Variants in PAMR1 observed in about 807,000 individuals in gnomAD.
PAMR1 encodes inactive serine protease PAMR1.
A neutral mutation model predicts 81.8 loss-of-function variants in PAMR1; 88 were observed. The observed-to-expected ratio is 1.08, with a 90% CI of 0.91 to 1.28. The LOEUF is 1.28. Among genes scored for constraint, PAMR1 ranks in the 50% most tolerant of loss-of-function variants. The pLI, the probability that PAMR1 is intolerant of heterozygous loss-of-function variation, is 0.00. For missense variants in PAMR1, 935 were observed against 919.7 expected (o/e 1.02, Z -0.21); for synonymous variants, 336 against 345.3 (o/e 0.97, Z 0.30).
chr11:35,473,711 T>C (rs1173524586), intron 4 of PAMR1, among the ~76,000 whole-genome samples: 1 of 152,130 alleles, frequency 6.6e-6, no homozygotes, highest in East Asian at 1.9e-4. Flanking sequence ...CAGAGAGACA[T>C]TCAAGGAGCC....
chr11:35,478,931 G>A (rs925060068), intron 3 of PAMR1, among the ~76,000 whole-genome samples: 3 of 152,086 alleles, frequency 2.0e-5, no homozygotes, highest in South Asian at 2.1e-4. Context: ...CCTCATTGCC[G>A]ATCTTTCCCC....
intron 4 of PAMR1, among the ~76,000 whole-genome samples, chr11:35,472,786 G>T (rs1274099643): frequency 1.3e-5 from 2 of 152,208 alleles, no homozygotes; most frequent in African/African-American, 4.8e-5. Flanking sequence ...CAGGGATGCT[G>T]CAAGGTGGTG....
intron 1 of PAMR1, among the ~76,000 whole-genome samples, chr11:35,522,426 C>T (rs1851302897): frequency 1.3e-5 from 2 of 152,166 alleles, no homozygotes; most frequent in South Asian, 4.1e-4. Context: ...ATTCTAAGTA[C>T]CTCATATAAG....
chr11:35,469,564 G>T (rs1282931745), intron 5 of PAMR1, among the ~76,000 whole-genome samples: 2 of 152,198 alleles, frequency 1.3e-5, no homozygotes, highest in Non-Finnish European at 2.9e-5. Context: ...GCCCTGCACA[G>T]CTCCACAGGG....
At chr11:35,511,275 C>G (rs1851068083) in intron 1 of PAMR1, among the ~76,000 whole-genome samples, 3 of 152,210 alleles carry the variant, frequency 2.0e-5, no homozygotes. Context: ...AGGGGCTTAG[C>G]TATGCAGAAG....
chr11:35,433,726 AGATGGATG>A (rs71044517), intron 10 of PAMR1, among the ~76,000 whole-genome samples: 36,776 of 148,618 alleles, frequency 0.25, 4,603 homozygotes, highest in Admixed American at 0.28. Context: ...ATAGATGGAG[AGATGGATG>A]GATGGATGGA....
intron 3 of PAMR1, among the ~76,000 whole-genome samples, chr11:35,485,181 C>G (rs1451972531): frequency 6.6e-6 from 1 of 152,030 alleles, no homozygotes; most frequent in Admixed American, 6.6e-5. Context: ...TGAGGTGCAG[C>G]CTGCTTAACG....
Position 35,441,513 on chromosome 11 carries a change from T to C in PAMR1, c.1001A>G (p.Glu334Gly). 6.2e-7 allele frequency: 1 copy of C among 1,613,262 alleles called. No individual in the cohort carries two copies. Among genetic ancestry groups the C allele is most frequent in the Non-Finnish European group, 8.5e-7 (1 of 1,179,822 alleles). ...GCAGATGGGCTGTTTCCCTGACCACTCTCCATTCTGCTGGCAAGTTCTTTT... is the reference window on the plus strand; with the variant it reads ...GCAGATGGGCTGTTTCCCTGACCACCCTCCATTCTGCTGGCAAGTTCTTTT... Reference protein sequence around the residue: ...NEKRTCQQNGEWSGKQPICIK... With the variant: ...NEKRTCQQNGGWSGKQPICIK... The change falls in exon 7 of 11, where the codon GAG (glutamate) becomes GGG (glycine). Residue 334 changes from glutamate (E) to glycine (G), a missense_variant. Glu to Gly is a moderately conservative substitution (Grantham distance 98). Transcript: ENST00000619888.
At chr11:35,521,833 T>G (rs1158019126) in intron 1 of PAMR1, among the ~76,000 whole-genome samples, 1 of 152,168 alleles carries the variant, frequency 6.6e-6, no homozygotes, top group African/African-American at 2.4e-5. Flanking sequence ...GCTCCACTAC[T>G]CTGCCAGTGT....
At chr11:35,515,208 C>T (rs563685841) in intron 1 of PAMR1, among the ~76,000 whole-genome samples, 1 of 152,182 alleles carries the variant, frequency 6.6e-6, no homozygotes, top group Non-Finnish European at 1.5e-5. Flanking sequence ...AGTCAGAGTG[C>T]ATTAGGACTA....
At chr11:35,515,394 G>A (rs1356336659) in intron 1 of PAMR1, among the ~76,000 whole-genome samples, 5 of 152,254 alleles carry the variant, frequency 3.3e-5, no homozygotes, top group Admixed American at 3.3e-4. Context: ...CCAGGGTGAT[G>A]CATTTGTAAT....
At chr11:35,486,725 T>A (rs1256369062) in intron 3 of PAMR1, among the ~76,000 whole-genome samples, 1 of 152,224 alleles carries the variant, frequency 6.6e-6, no homozygotes, top group Non-Finnish European at 1.5e-5. Flanking sequence ...AATATTAATA[T>A]TTTCTGTTTC....
intron 6 of PAMR1, among the ~76,000 whole-genome samples, chr11:35,451,346 C>G (rs1449906871): frequency 6.6e-6 from 1 of 152,192 alleles, no homozygotes; most frequent in Admixed American, 6.5e-5. Flanking sequence ...AAGAAGACTT[C>G]AAGAGAAACT....
intron 10 of PAMR1, among the ~76,000 whole-genome samples, chr11:35,433,817 T>C (rs1050568975): frequency 3.4e-5 from 5 of 148,716 alleles, no homozygotes; most frequent in Admixed American, 3.3e-4. Context: ...GATGGAGGGA[T>C]GGAGGGATGG....
In PAMR1 at chr11:35,507,812, C is replaced by G. The variant is rs202235865; in HGVS notation, c.74-13540G>C. Among the ~76,000 whole-genome samples the G allele has an allele frequency of 2.0e-4, 10 of 49,166 alleles. No individual in the cohort carries two copies. In the East Asian group the frequency reaches 3.0e-3, roughly 15 times the overall value. 32.3% of individuals were successfully genotyped at this position (49,166 alleles called of 152,430 possible). A position where few individuals can be genotyped will look rare whatever the true frequency, so the allele number is the denominator to read the frequency against. On this transcript the variant is annotated intron_variant, in intron 1 of 10. Coordinates refer to ENST00000619888, the MANE Select transcript of PAMR1 (RefSeq NM_001001991.3). ...CTATTGAAATCTTTTTTTTTTTTTT[C>G]CTGCTGAGTTGCTACTTCTTTTTGG... is the stretch of plus-strand genomic sequence containing the variant.
intron 5 of PAMR1, among the ~76,000 whole-genome samples, chr11:35,469,795 T>A (rs530030667): frequency 6.9e-6 from 1 of 144,894 alleles, no homozygotes; most frequent in Non-Finnish European, 1.6e-5. Context: ...AGTTCTTTTT[T>A]AATTCAGTTT....
chr11:35,475,017 A>G (rs557793926), intron 3 of PAMR1, among the ~76,000 whole-genome samples: 1 of 152,334 alleles, frequency 6.6e-6, no homozygotes, highest in African/African-American at 2.4e-5. Flanking sequence ...CAGAGAGTTA[A>G]ATAAATAACT....
chr11:35,505,081 AAATTTCTTTCTT>A (rs1389172531), intron 1 of PAMR1, among the ~76,000 whole-genome samples: 1 of 152,016 alleles, frequency 6.6e-6, no homozygotes, highest in African/African-American at 2.4e-5. Flanking sequence ...AGAAATTTTT[AAATTTCTTTCTT>A]AATTTCTTTA....
chr11:35,454,800 G>A lies in PAMR1; in HGVS notation c.821-13107C>T, dbSNP rs183208805. Among the ~76,000 whole-genome samples, 5 of 152,266 alleles carry A rather than the reference G, an allele frequency of 3.3e-5. No homozygotes were observed. In the East Asian group the frequency reaches 7.7e-4, roughly 24 times the overall value. ...CCAAGCAAGTAGAGGCCAGGTCCTC[G>A]TGAGAGGACTTCCAACCTCCACAAA... On this transcript the variant is annotated intron_variant, in intron 6 of 10. Transcript: ENST00000619888.
Sources: gnomAD v4.1 joint callset for allele counts (sites outside exome capture counted in the v4.1 genomes callset) on GRCh38, gnomAD v4.1.1 for gene constraint, MANE v1.5 for transcripts, NCBI Gene and HGNC (gene_info 2026-07-23, HGNC 2026-07-21) for gene names.